Variants in ATP9B observed in about 807,000 individuals in gnomAD.
The protein encoded by ATP9B is probable phospholipid-transporting ATPase IIB.
Under a neutral mutation model 146.1 loss-of-function variants are expected in ATP9B, and 110 were observed. That is an observed-to-expected ratio of 0.75 (90% CI 0.65 to 0.88). ATP9B has a LOEUF of 0.88. Ranked by LOEUF, ATP9B falls within the 40% of genes least tolerant of loss-of-function variation. The pLI is 0.00. For synonymous variants in ATP9B, 604 were observed against 569.7 expected, an observed-to-expected ratio of 1.06 and a Z score of -0.86; for missense variants, 1,499 against 1,496.4, an observed-to-expected ratio of 1.00 and a Z score of -0.03.
At chr18:79,332,162 G>T (rs544962157) in intron 17 of ATP9B, among the ~76,000 whole-genome samples, 2 of 152,190 alleles carry the variant, frequency 1.3e-5, no homozygotes, top group East Asian at 3.8e-4. Flanking sequence ...GGGTACGGTG[G>T]CTTACGCCTG....
At chr18:79,287,279 A>G (rs2096454645) in intron 13 of ATP9B, among the ~76,000 whole-genome samples, 1 of 152,218 alleles carries the variant, frequency 6.6e-6, no homozygotes, top group African/African-American at 2.4e-5. Flanking sequence ...GCTATTGATT[A>G]TTGCCACAAT....
intron 9 of ATP9B, among the ~76,000 whole-genome samples, chr18:79,206,623 C>CATAAATAAATAAATAA (rs71161762): frequency 2.7e-4 from 40 of 147,092 alleles, no homozygotes; most frequent in African/African-American, 9.1e-4. Context: ...AATAACACCT[C>CATAAATAAATAAATAA]ATAAATAAAT....
chr18:79,351,026 C>T (rs1468671539), intron 25 of ATP9B, among the ~76,000 whole-genome samples: 1 of 152,208 alleles, frequency 6.6e-6, no homozygotes, highest in Non-Finnish European at 1.5e-5. Context: ...CTGCCTCAGC[C>T]TCCCAAAGTG....
intron 25 of ATP9B, 118 bp downstream of exon 25, chr18:79,348,314 A>G: frequency 1.0e-6 from 1 of 997,608 alleles, no homozygotes; most frequent in Admixed American, 2.2e-5. Context: ...ATCATTTAGA[A>G]TGAATAATAC....
At chr18:79,154,128 CA>C (rs1403944926) in intron 6 of ATP9B, among the ~76,000 whole-genome samples, 1 of 117,476 alleles carries the variant, frequency 8.5e-6, no homozygotes, top group Non-Finnish European at 1.7e-5. Context: ...TAATTTTTTG[CA>C]TTTTTTTTTT....
chr18:79,174,145 T>G, intron 7 of ATP9B: 2 of 413,268 alleles, frequency 4.8e-6, no homozygotes, highest in South Asian at 3.5e-5. Context: ...CTGCTCTATC[T>G]TTCTGGAAGT....
chr18:79,096,847 C>T (rs117070537), intron 2 of ATP9B, among the ~76,000 whole-genome samples, 198 bp downstream of exon 2: 3,705 of 152,122 alleles, frequency 0.024, 70 homozygotes, highest in South Asian at 0.087. Flanking sequence ...TATTATCTTA[C>T]GAGAAGTTTT....
At chr18:79,253,685 CT>C in intron 12 of ATP9B, 144 bp downstream of exon 12, 1 of 886,088 alleles carries the variant, frequency 1.1e-6, no homozygotes, top group Non-Finnish European at 1.6e-6. Context: ...TTGAGGAATT[CT>C]TCTGTGGAAA....
intron 19 of ATP9B, 25 bp from the exon 20 acceptor site, chr18:79,342,243 T>A (rs1440770373): frequency 6.4e-7 from 1 of 1,556,568 alleles, no homozygotes; most frequent in Non-Finnish European, 8.9e-7. Context: ...CTTGTTGAAA[T>A]TCACCAGTTT....
chr18:79,335,704 G>A (rs955620751), intron 17 of ATP9B, among the ~76,000 whole-genome samples: 2 of 152,102 alleles, frequency 1.3e-5, no homozygotes, highest in Non-Finnish European at 2.9e-5. Flanking sequence ...ATCACTAACT[G>A]CGCTTACTGC....
rs187169111 is a variant in ATP9B at position 79,279,434 on chromosome 18, G to A, written c.1411+2238G>A. On this transcript the variant is annotated intron_variant, in intron 13 of 29. Coordinates refer to ENST00000426216, the MANE Select transcript of ATP9B (RefSeq NM_198531.5). ...TATAATCAGAAATGACAAATCACCA[G>A]CATGAAATCAAAGTAGCAAAATATG... 2.3e-3 allele frequency among the ~76,000 whole-genome samples: 351 copies of A among 152,234 alleles called. 1 individual carries two copies. The highest frequency in any genetic ancestry group is 3.9e-3 in the South Asian group (19 of 4,824).
rs11444921 is a variant in ATP9B at position 79,215,147 on chromosome 18, C to CAAAAA, written c.1107+1123_1107+1127dup. ...TGGGCAACAGGGTGAGATTCTGTCT[C>CAAAAA]AAAAAAAAAAAAAAAAAAGATATAT... On this transcript the variant is annotated intron_variant, in intron 11 of 29. Transcript: ENST00000426216. 3.7e-3 allele frequency among the ~76,000 whole-genome samples: 432 copies of CAAAAA among 115,726 alleles called. 4 individuals are homozygous for CAAAAA. Among genetic ancestry groups the CAAAAA allele is most frequent in the African/African-American group, 0.013 (402 of 31,328 alleles). 75.9% of individuals were successfully genotyped at this position (115,726 alleles called of 152,430 possible).
chr18:79,251,445 C>T (rs1392924077), intron 11 of ATP9B, among the ~76,000 whole-genome samples: 1 of 152,204 alleles, frequency 6.6e-6, no homozygotes, highest in Non-Finnish European at 1.5e-5. Context: ...TAACATAGAT[C>T]ACTGGTGTTC....
chr18:79,126,867 G>A (rs2094295537), intron 5 of ATP9B, among the ~76,000 whole-genome samples: 1 of 152,140 alleles, frequency 6.6e-6, no homozygotes, highest in Non-Finnish European at 1.5e-5. Context: ...TTCATTCAGG[G>A]CCTTAACTCT....
intron 15 of ATP9B, among the ~76,000 whole-genome samples, chr18:79,316,882 A>G (rs1292118924): frequency 6.6e-6 from 1 of 152,258 alleles, no homozygotes; most frequent in Non-Finnish European, 1.5e-5. Context: ...GGCAAAACAT[A>G]GTAAATACAA....
chr18:79,356,823 CTGTGTG>C lies in ATP9B; in HGVS notation c.2904-2530_2904-2525del, dbSNP rs2096956849. On this transcript the variant is annotated intron_variant, in intron 25 of 29. Transcript: ENST00000426216. ...AGGGGTGCTCTGGGTCTGGAGGTGT[CTGTGTG>C]AGGGATGCTCTGGGTCTGGAGGTGT... Among the ~76,000 whole-genome samples, 10 of 136,308 alleles carry C rather than the reference CTGTGTG, an allele frequency of 7.3e-5. No homozygotes were observed. In the South Asian group the frequency reaches 7.8e-4, roughly 11 times the overall value. The allele number at this position is 136,308 out of a possible 152,430, so 89.4% of individuals were successfully genotyped here. A position where few individuals can be genotyped will look rare whatever the true frequency, so the allele number is the denominator to read the frequency against.
chr18:79,369,392 G>T (rs1015685059), intron 26 of ATP9B, among the ~76,000 whole-genome samples: 22 of 152,156 alleles, frequency 1.4e-4, no homozygotes, highest in Non-Finnish European at 3.1e-4. Flanking sequence ...AATTAGCTGG[G>T]TGTGGTGGCG....
intron 8 of ATP9B, among the ~76,000 whole-genome samples, chr18:79,190,901 T>C (rs939692621): frequency 5.7e-4 from 87 of 152,122 alleles, no homozygotes; most frequent in Non-Finnish European, 1.2e-3. Context: ...GGGGGTTTTT[T>C]TTAAATATTT....
chr18:79,261,902 C>T (rs1335949618), intron 12 of ATP9B, among the ~76,000 whole-genome samples: 2 of 152,204 alleles, frequency 1.3e-5, no homozygotes, highest in Non-Finnish European at 2.9e-5. Flanking sequence ...TAATAGGCAG[C>T]TCAGCCTTCT....
Sources: allele counts gnomAD v4.1 joint callset (sites outside exome capture counted in the v4.1 genomes callset), GRCh38; gene constraint gnomAD v4.1.1; transcripts MANE v1.5; gene names NCBI Gene and HGNC (gene_info 2026-07-23, HGNC 2026-07-21).